SLC39A9: variants seen among roughly 807,000 people sequenced by gnomAD.
SLC39A9 encodes zinc transporter ZIP9.
In SLC39A9, 14 loss-of-function variants were observed where a neutral mutation model predicts 28.4. The ratio of observed to expected loss-of-function variants is 0.49; its 90% CI spans 0.33 to 0.77. The LOEUF (loss-of-function observed/expected upper bound fraction) is 0.77. Ranked by LOEUF, SLC39A9 falls within the 30% of genes least tolerant of loss-of-function variation. SLC39A9 has a pLI of 0.02. For synonymous variants in SLC39A9, 119 were observed against 149.6 expected, an observed-to-expected ratio of 0.80 and a Z score of 1.49; for missense variants, 283 against 381.1, an observed-to-expected ratio of 0.74 and a Z score of 2.14.
intron 1 of SLC39A9, among the ~76,000 whole-genome samples, chr14:69,418,475 T>C (rs1468216908): frequency 6.6e-6 from 1 of 152,194 alleles, no homozygotes; most frequent in Non-Finnish European, 1.5e-5. Context: ...GGTATCAGGA[T>C]GATGCTGGCC....
At chr14:69,456,644 C>A (rs1033212693) in intron 6 of SLC39A9, among the ~76,000 whole-genome samples, 6 of 152,210 alleles carry the variant, frequency 3.9e-5, no homozygotes, top group African/African-American at 1.4e-4. Context: ...TGAGCAACAA[C>A]CCTCCGCATT....
chr14:69,457,987 T>C (rs1468767305), intron 6 of SLC39A9, among the ~76,000 whole-genome samples: 3 of 152,200 alleles, frequency 2.0e-5, no homozygotes, highest in Non-Finnish European at 4.4e-5. Flanking sequence ...CATATCAAAA[T>C]TGCTAAGAGT....
At chr14:69,423,834 G>C (rs970010288) in intron 1 of SLC39A9, among the ~76,000 whole-genome samples, 3 of 151,502 alleles carry the variant, frequency 2.0e-5, no homozygotes, top group Non-Finnish European at 4.4e-5. Flanking sequence ...GGAGGCGAAG[G>C]CTGCAGTGAG....
intron 1 of SLC39A9, among the ~76,000 whole-genome samples, chr14:69,417,601 A>G (rs957495573): frequency 7.9e-5 from 12 of 152,344 alleles, no homozygotes; most frequent in Admixed American, 7.2e-4. Flanking sequence ...CTTCCTATCC[A>G]TGAGCATGGG....
chr14:69,442,067 A>G lies in SLC39A9; in HGVS notation c.206-2A>G. On this transcript the variant is annotated splice_acceptor_variant, in intron 2 of 6. Transcript: ENST00000336643. LOFTEE classifies it high-confidence loss of function. Reference sequence around the variant, plus strand: ...TTCTCTTTATGGTTTATTCTGCTCTAGGAAAACACCACCAAGCAAGTGAAA... The same window carrying G: ...TTCTCTTTATGGTTTATTCTGCTCTGGGAAAACACCACCAAGCAAGTGAAA... The G allele has an allele frequency of 6.2e-7, 1 of 1,613,936 alleles. No individual in the cohort carries two copies. The highest frequency in any genetic ancestry group is 8.5e-7 in the Non-Finnish European group (1 of 1,179,904).
chr14:69,443,715 C>G (rs1885155057), intron 3 of SLC39A9, among the ~76,000 whole-genome samples: 7 of 151,896 alleles, frequency 4.6e-5, no homozygotes. Flanking sequence ...ACAAAAAATA[C>G]AATAATTAGC....
intron 3 of SLC39A9, among the ~76,000 whole-genome samples, chr14:69,448,542 T>TA (rs1041113901): frequency 3.5e-4 from 53 of 152,000 alleles, no homozygotes; most frequent in African/African-American, 1.3e-3. Flanking sequence ...TTTTTATTAC[T>TA]AAAAAAACAA....
rs1485566479 is a variant in SLC39A9, at chr14:69,458,588, C to G, written c.919C>G (p.His307Asp). Residue 307 changes from histidine to aspartate, a missense_variant, in exon 7 of 7, where the codon CAT becomes GAT. Physicochemically the swap from His to Asp is moderately conservative, Grantham distance 81. Transcript: ENST00000336643. ...IPLILSVGHQH is the reference protein window; with the variant it reads ...IPLILSVGHQD ...TCTCATCCTGTCAGTAGGACACCAGCATTAAATGTTCAAGGTCCAGCCTTG... is the reference window on the plus strand; with the variant it reads ...TCTCATCCTGTCAGTAGGACACCAGGATTAAATGTTCAAGGTCCAGCCTTG... The G allele has an allele frequency of 2.5e-6, 4 of 1,609,288 alleles. No individual in the cohort carries two copies. The highest frequency in any genetic ancestry group is 3.4e-6 in the Non-Finnish European group (4 of 1,176,648).
rs556065202 is a variant in SLC39A9 at position 69,442,253 on chromosome 14, G to T, written c.390G>T (p.Val130=). The T allele has an allele frequency of 6.2e-7, 1 of 1,614,140 alleles. No homozygotes were observed. The highest frequency in any genetic ancestry group is 2.2e-5 in the East Asian group (1 of 44,886). The change falls in exon 3 of 7, where the codon GTG becomes GTT. Residue 130 remains valine (V), a synonymous_variant. Transcript: ENST00000336643. ...TGGACCAGATTGGTAACTCCCATGT[G>T]CATTCTACTGACGGTGAGTGGCTCC... ...LLVDQIGNSH[V]HSTDDPEAAR...
intron 3 of SLC39A9, among the ~76,000 whole-genome samples, chr14:69,443,766 G>T (rs1179081489): frequency 2.0e-5 from 3 of 152,140 alleles, no homozygotes; most frequent in African/African-American, 7.2e-5. Flanking sequence ...GCTACTGGGG[G>T]ACTGAGGCGG....
rs1366061131 is a variant in SLC39A9, at chr14:69,460,400, A to T, written c.*1807A>T. The T allele has an allele frequency of 1.0e-6, 1 of 985,360 alleles. No individual in the cohort carries two copies. The highest frequency in any genetic ancestry group is 1.2e-6 in the Non-Finnish European group (1 of 829,950). The allele number at this position is 985,360 out of a possible 1,614,324, so 61.0% of individuals were successfully genotyped here. A position where few individuals can be genotyped will look rare whatever the true frequency, so the allele number is the denominator to read the frequency against. On this transcript the variant is annotated 3_prime_UTR_variant, in exon 7 of 7. Coordinates refer to ENST00000336643, the MANE Select transcript of SLC39A9 (RefSeq NM_018375.5). Reference sequence around the variant, plus strand: ...TACAATTTTACTACCAAGAGAAGGTATAGTATGGAAAGTCCAAATGACTTC... The same window carrying T: ...TACAATTTTACTACCAAGAGAAGGTTTAGTATGGAAAGTCCAAATGACTTC...
chr14:69,450,137 C>T (rs567862180), intron 3 of SLC39A9, among the ~76,000 whole-genome samples: 214 of 151,986 alleles, frequency 1.4e-3, no homozygotes, highest in African/African-American at 4.9e-3. Context: ...TTCAGTGAGC[C>T]AAGATCACGC....
intron 1 of SLC39A9, among the ~76,000 whole-genome samples, chr14:69,416,269 G>C (rs992709203): frequency 6.6e-6 from 1 of 152,158 alleles, no homozygotes; most frequent in Non-Finnish European, 1.5e-5. Context: ...ATGGTTTCCA[G>C]CTTCATCCAT....
At chr14:69,434,169 C>T (rs1419614618) in intron 2 of SLC39A9, among the ~76,000 whole-genome samples, 2 of 151,094 alleles carry the variant, frequency 1.3e-5, no homozygotes, top group East Asian at 3.9e-4. Flanking sequence ...CTGCAACCTC[C>T]ATCTTCCGGG....
chr14:69,462,226 A>G lies in SLC39A9; in HGVS notation c.*3633A>G, dbSNP rs7276. ...ATAAGACTGCAGTTCCCCTGGTTCA[A>G]TAGCTGGAACAGTGATTTTAAATGT... On this transcript the variant is annotated 3_prime_UTR_variant, in exon 7 of 7. Coordinates refer to ENST00000336643, the MANE Select transcript of SLC39A9 (RefSeq NM_018375.5). 18,796 of 152,472 alleles carry G rather than the reference A, an allele frequency of 0.12. 1,389 individuals are homozygous for G. Among genetic ancestry groups the G allele is most frequent in the Middle Eastern group, 0.24 (72 of 294 alleles). 9.4% of individuals were successfully genotyped at this position (152,472 alleles called of 1,614,324 possible). A position where few individuals can be genotyped will look rare whatever the true frequency, so the allele number is the denominator to read the frequency against.
chr14:69,434,329 C>G (rs977751034), intron 2 of SLC39A9, among the ~76,000 whole-genome samples: 4 of 151,596 alleles, frequency 2.6e-5, no homozygotes, highest in Non-Finnish European at 5.9e-5. Flanking sequence ...GGTGATCCAC[C>G]TGCCTCGGCC....
At position 69,453,293 on chromosome 14, in the gene SLC39A9, G is replaced by C; in HGVS notation, c.456G>C (p.Leu152=). ...CCAAAATCACCACCACGCTGGGTCTGGTTGTCCATGCTGCAGGTAGGGTTG... is the reference window on the plus strand; with the variant it reads ...CCAAAATCACCACCACGCTGGGTCTCGTTGTCCATGCTGCAGGTAGGGTTG... The part of the protein sequence containing the change: ...SNSKITTTLG[L]VVHAAADGVA... The change falls in exon 4 of 7, where the codon CTG becomes CTC. Residue 152 remains leucine, a synonymous_variant. Coordinates refer to ENST00000336643, the MANE Select transcript of SLC39A9 (RefSeq NM_018375.5). 6.2e-7 allele frequency: 1 copy of C among 1,614,002 alleles called. No homozygotes were observed. Among genetic ancestry groups the C allele is most frequent in the Non-Finnish European group, 8.5e-7 (1 of 1,179,874 alleles).
chr14:69,459,328 C>A lies in SLC39A9; in HGVS notation c.*735C>A. 3 of 985,434 alleles carry A rather than the reference C, an allele frequency of 3.0e-6. No individual in the cohort carries two copies. The highest frequency in any genetic ancestry group is 3.6e-6 in the Non-Finnish European group (3 of 829,934). The allele number at this position is 985,434 out of a possible 1,614,324, so 61.0% of individuals were successfully genotyped here. A position where few individuals can be genotyped will look rare whatever the true frequency, so the allele number is the denominator to read the frequency against. ...TAAAGAGGTGACTGGTATTTTGTAGCATTCCTTGTCAAGTTCTCCTTTGCA... is the reference window on the plus strand; with the variant it reads ...TAAAGAGGTGACTGGTATTTTGTAGAATTCCTTGTCAAGTTCTCCTTTGCA... On this transcript the variant is annotated 3_prime_UTR_variant, in exon 7 of 7. Coordinates refer to ENST00000336643, the MANE Select transcript of SLC39A9 (RefSeq NM_018375.5).
intron 3 of SLC39A9, among the ~76,000 whole-genome samples, chr14:69,444,668 C>T (rs923283120): frequency 6.6e-6 from 1 of 152,058 alleles, no homozygotes; most frequent in Non-Finnish European, 1.5e-5. Flanking sequence ...AAATACAGCT[C>T]CAATATGAAA....
Sources: allele counts gnomAD v4.1 joint callset (sites outside exome capture counted in the v4.1 genomes callset), GRCh38; gene constraint gnomAD v4.1.1; transcripts MANE v1.5; gene names NCBI Gene and HGNC (gene_info 2026-07-23, HGNC 2026-07-21).